EYS: variants seen among roughly 807,000 people sequenced by gnomAD.
EYS encodes the protein protein eyes shut homolog.
A neutral mutation model predicts 282.1 loss-of-function variants in EYS; 250 were observed. The ratio of observed to expected loss-of-function variants is 0.89; its 90% CI spans 0.80 to 0.98. The LOEUF is 0.98. EYS is among the 50% of genes least tolerant of loss of function. EYS has a pLI of 0.00. For synonymous variants in EYS, 1,355 were observed against 1,282.9 expected, an observed-to-expected ratio of 1.06 and a Z score of -1.20; for missense variants, 4,016 against 3,709.0, an observed-to-expected ratio of 1.08 and a Z score of -2.15.
At chr6:65,275,670 T>C (rs1306381334) in intron 12 of EYS, among the ~76,000 whole-genome samples, 3 of 152,122 alleles carry the variant, frequency 2.0e-5, no homozygotes, top group African/African-American at 7.2e-5. Context: ...TAGCCAATGG[T>C]TTGACTGGAT....
intron 26 of EYS, among the ~76,000 whole-genome samples, chr6:64,582,033 G>A (rs757253657): frequency 7.2e-5 from 11 of 152,132 alleles, no homozygotes; most frequent in Admixed American, 3.9e-4. Flanking sequence ...TACCCATATC[G>A]TTATATCAGA....
At chr6:64,607,180 C>A (rs1340954233) in intron 24 of EYS, among the ~76,000 whole-genome samples, 1 of 151,928 alleles carries the variant, frequency 6.6e-6, no homozygotes, top group East Asian at 1.9e-4. Context: ...TATATTTTCT[C>A]CCACTGCCTT....
intron 40 of EYS, among the ~76,000 whole-genome samples, chr6:63,775,905 T>C (rs1270709122): frequency 6.6e-6 from 1 of 152,192 alleles, no homozygotes; most frequent in Non-Finnish European, 1.5e-5. Context: ...TTTAATGTTA[T>C]TAAATGATGG....
At chr6:65,183,964 T>G (rs1295033975) in intron 12 of EYS, among the ~76,000 whole-genome samples, 1 of 148,018 alleles carries the variant, frequency 6.8e-6, no homozygotes, top group Non-Finnish European at 1.5e-5. Context: ...TTAGCTGGAT[T>G]AATATCTCAA....
chr6:63,910,665 A>C (rs1190676261), intron 35 of EYS, among the ~76,000 whole-genome samples: 4 of 151,994 alleles, frequency 2.6e-5, no homozygotes, highest in Non-Finnish European at 5.9e-5. Flanking sequence ...CAGGACTAAA[A>C]CTCTTTTAAA....
chr6:65,451,272 C>T (rs189655143), intron 5 of EYS, among the ~76,000 whole-genome samples: 92 of 152,078 alleles, frequency 6.0e-4, no homozygotes, highest in African/African-American at 2.1e-3. Context: ...GTAGTGTTTA[C>T]TAATAGCACA....
intron 12 of EYS, among the ~76,000 whole-genome samples, chr6:65,242,684 G>A (rs1036681533): frequency 6.6e-6 from 1 of 152,018 alleles, no homozygotes; most frequent in African/African-American, 2.4e-5. Flanking sequence ...AACATTTTGA[G>A]GACTTGCCAA....
intron 5 of EYS, among the ~76,000 whole-genome samples, chr6:65,465,093 C>A (rs899912629): frequency 6.6e-6 from 1 of 151,988 alleles, no homozygotes; most frequent in African/African-American, 2.4e-5. Context: ...TAAGAAAAAC[C>A]TTTTGCCATA....
Position 64,827,144 on chromosome 6 carries a change from C to T in EYS, c.2993-4322G>A, listed in dbSNP as rs1031940712. 3.9e-5 allele frequency among the ~76,000 whole-genome samples: 6 copies of T among 151,924 alleles called. No individual in the cohort carries two copies. The East Asian group carries it at 1.2e-3, about 29-fold the overall frequency. ...GATGGTAAATCATAGCTAAGGACCG[C>T]TGCTTTTTATCAAACTGGCTTAAAA... On this transcript the variant is annotated intron_variant, in intron 19 of 42. Coordinates refer to ENST00000503581, the MANE Select transcript of EYS (RefSeq NM_001142800.2).
chr6:65,099,236 A>G lies in EYS; in HGVS notation c.2024-41509T>C, dbSNP rs898545359. On this transcript the variant is annotated intron_variant, in intron 12 of 42. Transcript: ENST00000503581. ...TTAGTGCTTTATGAATATACAATAAATGCTTTGAATAGATCAAATGCCTAC... is the reference window on the plus strand; with the variant it reads ...TTAGTGCTTTATGAATATACAATAAGTGCTTTGAATAGATCAAATGCCTAC... 7.3e-5 allele frequency among the ~76,000 whole-genome samples: 11 copies of G among 150,874 alleles called. No homozygotes were observed. The South Asian group carries it at 2.1e-3, about 29-fold the overall frequency.
chr6:65,130,810 A>G (rs1311920723), intron 12 of EYS, among the ~76,000 whole-genome samples: 1 of 151,622 alleles, frequency 6.6e-6, no homozygotes, highest in Non-Finnish European at 1.5e-5. Flanking sequence ...TAAAAAAAAA[A>G]AAAGAAAAAG....
chr6:65,315,258 T>G (rs1032192048), intron 11 of EYS, among the ~76,000 whole-genome samples: 2 of 152,162 alleles, frequency 1.3e-5, no homozygotes, highest in African/African-American at 4.8e-5. Context: ...AATACCATGA[T>G]AGGGTGAAAG....
intron 2 of EYS, among the ~76,000 whole-genome samples, chr6:65,609,037 T>A (rs1178162314): frequency 6.6e-6 from 1 of 152,104 alleles, no homozygotes; most frequent in Non-Finnish European, 1.5e-5. Context: ...AAAATAATGA[T>A]TAAAAACATA....
intron 12 of EYS, among the ~76,000 whole-genome samples, chr6:65,106,426 A>C (rs1421062699): frequency 6.6e-6 from 1 of 152,042 alleles, no homozygotes; most frequent in Non-Finnish European, 1.5e-5. Context: ...AGATGTCTTA[A>C]ATACATAATT....
At chr6:65,158,299 T>G (rs1035865663) in intron 12 of EYS, among the ~76,000 whole-genome samples, 80 of 151,024 alleles carry the variant, frequency 5.3e-4, no homozygotes, top group African/African-American at 1.6e-3. Flanking sequence ...GACCAGGAGC[T>G]ATTGCCTGAA....
rs555249724 is a variant in EYS, at chr6:64,560,236, A to T, written c.5644+29987T>A. On this transcript the variant is annotated intron_variant, in intron 26 of 42. Transcript: ENST00000503581. Reference sequence around the variant, plus strand: ...TTATGTTAAATTTAACTTTATGACTAATCCTTATGATGTGTAGAAATTTAT... The same window carrying T: ...TTATGTTAAATTTAACTTTATGACTTATCCTTATGATGTGTAGAAATTTAT... Among the ~76,000 whole-genome samples the T allele has an allele frequency of 2.0e-5, 3 of 151,940 alleles. No individual in the cohort carries two copies. In the South Asian group the frequency reaches 6.2e-4, roughly 31 times the overall value.
chr6:64,633,909 C>A (rs1767879536), intron 22 of EYS, among the ~76,000 whole-genome samples: 1 of 152,140 alleles, frequency 6.6e-6, no homozygotes, highest in Non-Finnish European at 1.5e-5. Context: ...ATATACTAAG[C>A]CAGCACCACC....
At chr6:65,155,353 G>C (rs1456864712) in intron 12 of EYS, among the ~76,000 whole-genome samples, 1 of 151,422 alleles carries the variant, frequency 6.6e-6, no homozygotes, top group Non-Finnish European at 1.5e-5. Flanking sequence ...CAAGAGCTTT[G>C]CCACCCAACA....
chr6:63,965,952 C>T (rs78804169), intron 35 of EYS, among the ~76,000 whole-genome samples: 8,806 of 152,270 alleles, frequency 0.058, 313 homozygotes, highest in South Asian at 0.14. Context: ...CCCAGCTAAG[C>T]TACTTATGCC....
Sources: allele counts gnomAD v4.1 joint callset (sites outside exome capture counted in the v4.1 genomes callset), GRCh38; gene constraint gnomAD v4.1.1; transcripts MANE v1.5; gene names NCBI Gene and HGNC (gene_info 2026-07-23, HGNC 2026-07-21).